Variants in CSNK2A2IP observed in about 807,000 individuals in gnomAD.
CSNK2A2IP encodes casein kinase 2 subunit alpha' interacting protein, also known as casein kinase II subunit alpha'-interacting protein.
the CSNK2A2IP span, among the ~76,000 whole-genome samples, chr3:88,365,422 T>C: frequency 4.6e-5 from 7 of 152,276 alleles, no homozygotes; most frequent in Middle Eastern, 3.4e-3. Context: ...TTGTACTTTG[T>C]CATATTGAAT....
chr3:88,454,354 T>C, the CSNK2A2IP span, among the ~76,000 whole-genome samples: 1 of 151,916 alleles, frequency 6.6e-6, no homozygotes, highest in African/African-American at 2.4e-5. Flanking sequence ...TTGCAAATAT[T>C]ACTCTATTTT....
the CSNK2A2IP span, among the ~76,000 whole-genome samples, chr3:88,454,101 G>A: frequency 6.6e-6 from 1 of 151,868 alleles, no homozygotes; most frequent in Non-Finnish European, 1.5e-5. Context: ...ACTTAGTTTG[G>A]TCAACCTTTT....
the CSNK2A2IP span, among the ~76,000 whole-genome samples, chr3:88,449,180 A>T: frequency 6.6e-6 from 1 of 152,060 alleles, no homozygotes; most frequent in Non-Finnish European, 1.5e-5. Flanking sequence ...TTTTGTTTTA[A>T]CTTCCTGAAT....
chr3:88,371,828 C>A, the CSNK2A2IP span, among the ~76,000 whole-genome samples: 1 of 151,524 alleles, frequency 6.6e-6, no homozygotes, highest in Non-Finnish European at 1.5e-5. Flanking sequence ...CAATTACATA[C>A]AGGGGACTAT....
the CSNK2A2IP span, among the ~76,000 whole-genome samples, chr3:88,370,434 A>G: frequency 6.6e-6 from 1 of 151,890 alleles, no homozygotes; most frequent in Non-Finnish European, 1.5e-5. Context: ...TAAGATCTCA[A>G]TGACTTCTGT....
chr3:88,359,774 G>A, the CSNK2A2IP span, among the ~76,000 whole-genome samples: 1 of 152,026 alleles, frequency 6.6e-6, no homozygotes, highest in African/African-American at 2.4e-5. Context: ...GATGTTTTTT[G>A]TGGCCTATCT....
chr3:88,367,544 C>T, the CSNK2A2IP span, among the ~76,000 whole-genome samples: 1 of 152,188 alleles, frequency 6.6e-6, no homozygotes, highest in South Asian at 2.1e-4. Context: ...TATAAGGGGT[C>T]TCCACATTGT....
the CSNK2A2IP span, among the ~76,000 whole-genome samples, chr3:88,347,882 G>A: frequency 6.6e-6 from 1 of 151,918 alleles, no homozygotes; most frequent in Non-Finnish European, 1.5e-5. Context: ...AAATACAGGA[G>A]ATACATGTTG....
the CSNK2A2IP span, among the ~76,000 whole-genome samples, chr3:88,408,676 ATATGTT>A: frequency 3.3e-5 from 5 of 151,978 alleles, no homozygotes; most frequent in African/African-American, 1.2e-4. Flanking sequence ...TTCTAAATGT[ATATGTT>A]CAAGATTGCC....
chr3:88,465,837 A>C, the CSNK2A2IP span: 1 of 1,231,624 alleles, frequency 8.1e-7, no homozygotes, highest in Non-Finnish European at 1.0e-6. Flanking sequence ...CTCAAACAAC[A>C]TCTTCAAGCC....
the CSNK2A2IP span, among the ~76,000 whole-genome samples, chr3:88,418,614 T>A: frequency 4.6e-5 from 7 of 152,092 alleles, no homozygotes; most frequent in East Asian, 1.3e-3. Context: ...ACCCTTTCAT[T>A]AAAAAAAATT....
chr3:88,363,316 G>T, the CSNK2A2IP span, among the ~76,000 whole-genome samples: 155 of 151,762 alleles, frequency 1.0e-3, no homozygotes, highest in African/African-American at 3.5e-3. Flanking sequence ...CTTTTCTTCT[G>T]CAATGTCTAA....
the CSNK2A2IP span, among the ~76,000 whole-genome samples, chr3:88,454,816 C>G: frequency 2.9e-3 from 439 of 151,842 alleles, 2 homozygotes; most frequent in African/African-American, 9.9e-3. Context: ...ATCAGAAATA[C>G]TTCCTTTCAA....
chr3:88,362,430 T>C, the CSNK2A2IP span, among the ~76,000 whole-genome samples: 1 of 152,198 alleles, frequency 6.6e-6, no homozygotes, highest in Admixed American at 6.5e-5. Context: ...AGGTGAAGTC[T>C]TGCTCTTTCT....
chr3:88,350,373 C>CT, the CSNK2A2IP span, among the ~76,000 whole-genome samples: 2 of 152,000 alleles, frequency 1.3e-5, no homozygotes, highest in South Asian at 4.1e-4. Context: ...TGAAGGAAAG[C>CT]TTTTTTGTAG....
At chr3:88,466,342 G>A in the CSNK2A2IP span, 1 of 1,231,764 alleles carries the variant, frequency 8.1e-7, no homozygotes, top group Non-Finnish European at 1.0e-6. Flanking sequence ...GTTTATGCTT[G>A]ATTGTAACTT....
the CSNK2A2IP span, among the ~76,000 whole-genome samples, chr3:88,383,651 C>CTTTTTTTTTTTTT: frequency 4.5e-5 from 4 of 88,564 alleles, no homozygotes; most frequent in African/African-American, 9.2e-5. Context: ...TCTTTTCTTT[C>CTTTTTTTTTTTTT]TTTTTTTTTT....
the CSNK2A2IP span, among the ~76,000 whole-genome samples, chr3:88,442,170 G>A: frequency 6.6e-6 from 1 of 151,916 alleles, no homozygotes; most frequent in Non-Finnish European, 1.5e-5. Flanking sequence ...ACACTAATTA[G>A]GTACCATTAA....
chr3:88,403,132 A>G, the CSNK2A2IP span, among the ~76,000 whole-genome samples: 2 of 151,992 alleles, frequency 1.3e-5, no homozygotes, highest in Non-Finnish European at 1.5e-5. Flanking sequence ...CAATTTACCT[A>G]TATTCTTACC....
Sources: gnomAD v4.1 joint callset for allele counts (sites outside exome capture counted in the v4.1 genomes callset) on GRCh38, gnomAD v4.1.1 for gene constraint, MANE v1.5 for transcripts, NCBI Gene and HGNC (gene_info 2026-07-23, HGNC 2026-07-21) for gene names.